Variants in SMIM7 observed in about 807,000 individuals in gnomAD.
The protein encoded by SMIM7 is small integral membrane protein 7.
A neutral mutation model predicts 13.3 loss-of-function variants in SMIM7; 12 were observed. The ratio of observed to expected loss-of-function variants is 0.90; its 90% CI spans 0.58 to 1.46. SMIM7 has a LOEUF of 1.46. Ranked by LOEUF, SMIM7 falls within the 40% of genes most tolerant of loss-of-function variation. The probability of loss-of-function intolerance (pLI) is 0.00; values close to 1 mark genes in which losing one functional copy is unlikely to be tolerated. For missense variants in SMIM7, 114 were observed against 94.8 expected (o/e 1.20, Z -0.84); for synonymous variants, 36 against 35.8 (o/e 1.01, Z -0.02).
downstream of SMIM7, among the ~76,000 whole-genome samples, chr19:16,643,409 T>A (rs541467895): frequency 2.6e-5 from 4 of 152,168 alleles, no homozygotes; most frequent in East Asian, 1.9e-4. Flanking sequence ...TTAAAAAAAA[T>A]TTTTCTTTTT....
At position 16,632,212 on chromosome 19, in the gene SMIM7, C is replaced by T. The variant is rs200244059; in HGVS notation, c.*138-488G>A. Among the ~76,000 whole-genome samples, 27 of 152,112 alleles carry T rather than the reference C, an allele frequency of 1.8e-4. 1 individual carries two copies. In the East Asian group the frequency reaches 5.0e-3, roughly 28 times the overall value. On this transcript the variant is annotated intron_variant and NMD_transcript_variant, in intron 4 of 4. Transcript: ENST00000465250. ...ACCCTTTCTCATATATGAACTCATT[C>T]AACCCTATCAGTTATCTCAGAAGTA...
intron 4 of SMIM7, among the ~76,000 whole-genome samples, chr19:16,647,686 C>G (rs1160591563): frequency 6.6e-6 from 1 of 151,968 alleles, no homozygotes; most frequent in Non-Finnish European, 1.5e-5. Context: ...GAACTCCTGA[C>G]CTCAAGTGAT....
intron 4 of SMIM7, among the ~76,000 whole-genome samples, chr19:16,651,435 C>A (rs1490871654): frequency 1.3e-5 from 2 of 152,200 alleles, no homozygotes. Context: ...ACCCCCACCC[C>A]AAATGGACCA....
At chr19:16,652,438 G>T in intron 4 of SMIM7, 1 of 631,644 alleles carries the variant, frequency 1.6e-6, no homozygotes, top group Non-Finnish European at 2.0e-6. Context: ...CTGGGCTCAA[G>T]CAATTCTCCC....
intron 4 of SMIM7, among the ~76,000 whole-genome samples, chr19:16,635,647 C>T (rs1449288549): frequency 6.6e-6 from 1 of 151,282 alleles, no homozygotes; most frequent in Non-Finnish European, 1.5e-5. Flanking sequence ...TTTGAGAGGC[C>T]GAGGCGGGCG....
chr19:16,638,305 T>TC (rs997317954), intron 4 of SMIM7, among the ~76,000 whole-genome samples: 10 of 133,554 alleles, frequency 7.5e-5, no homozygotes, highest in Admixed American at 2.2e-4. Context: ...TTTTTTCTTT[T>TC]TTTTTTTTTT....
At chr19:16,658,037 AAAG>A (rs2086619310) in intron 3 of SMIM7, among the ~76,000 whole-genome samples, 3 of 152,268 alleles carry the variant, frequency 2.0e-5, no homozygotes, top group African/African-American at 7.2e-5. Context: ...CCTGTCTCTA[AAAG>A]AAGAAAACCT....
chr19:16,650,009 T>C (rs1205989728), intron 4 of SMIM7, among the ~76,000 whole-genome samples: 1 of 152,134 alleles, frequency 6.6e-6, no homozygotes, highest in East Asian at 1.9e-4. Context: ...ACGCGGTTTC[T>C]TTCTGTGTTG....
At chr19:16,638,018 G>A (rs1423390276) in intron 4 of SMIM7, among the ~76,000 whole-genome samples, 1 of 152,100 alleles carries the variant, frequency 6.6e-6, no homozygotes, top group African/African-American at 2.4e-5. Flanking sequence ...AGCACTTTGG[G>A]AGGCAGAGGT....
chr19:16,635,615 C>G (rs1027757498), intron 4 of SMIM7, among the ~76,000 whole-genome samples: 1 of 152,034 alleles, frequency 6.6e-6, no homozygotes, highest in Non-Finnish European at 1.5e-5. Flanking sequence ...GGTGCAGTGG[C>G]TCACGCCAGT....
chr19:16,652,220 G>C (rs934872638), intron 4 of SMIM7: 2 of 152,228 alleles, frequency 1.3e-5, no homozygotes, highest in African/African-American at 4.8e-5. Context: ...TATTTGTTTG[G>C]AGACAGGGTC....
chr19:16,652,077 G>A (rs1287005293), intron 4 of SMIM7, among the ~76,000 whole-genome samples: 1 of 150,830 alleles, frequency 6.6e-6, no homozygotes, highest in South Asian at 2.1e-4. Flanking sequence ...TTGCAAAGAC[G>A]AGAATGAGGG....
intron 3 of SMIM7, among the ~76,000 whole-genome samples, chr19:16,658,126 C>T (rs538698586): frequency 6.6e-6 from 1 of 152,332 alleles, no homozygotes; most frequent in Non-Finnish European, 1.5e-5. Flanking sequence ...ACGCCGCCTC[C>T]TCAAATGGCC....
At chr19:16,652,600 G>A in intron 4 of SMIM7, 2 of 1,249,548 alleles carry the variant, frequency 1.6e-6, no homozygotes, top group Non-Finnish European at 2.0e-6. Flanking sequence ...TGCCAGGTAG[G>A]ATACCTTGGC....
At chr19:16,655,583 A>C (rs2086586673) in intron 3 of SMIM7, among the ~76,000 whole-genome samples, 1 of 147,354 alleles carries the variant, frequency 6.8e-6, no homozygotes, top group African/African-American at 2.5e-5. Context: ...CAGGAGGCTG[A>C]GGCAGGAGAA....
At chr19:16,659,909 G>C (rs1238947748) in intron 2 of SMIM7, 50 bp downstream of exon 2, 3 of 1,574,598 alleles carry the variant, frequency 1.9e-6, no homozygotes, top group Non-Finnish European at 2.6e-6. Context: ...TATGAGGGCG[G>C]GGCTACGGGT....
At chr19:16,635,915 T>TATAA in intron 4 of SMIM7, among the ~76,000 whole-genome samples, 1 of 142,466 alleles carries the variant, frequency 7.0e-6, no homozygotes, top group Non-Finnish European at 1.5e-5. Context: ...TATATATATA[T>TATAA]ATATATATGT....
chr19:16,657,037 G>A (rs1488549257), intron 3 of SMIM7, among the ~76,000 whole-genome samples: 3 of 152,202 alleles, frequency 2.0e-5, no homozygotes, highest in African/African-American at 7.2e-5. Context: ...GTGACCTGGT[G>A]ACCTGGGACC....
chr19:16,659,068 A>T lies in SMIM7; in HGVS notation c.121+327T>A, dbSNP rs1490218242. 19 of 367,948 alleles carry T rather than the reference A, an allele frequency of 5.2e-5. No homozygotes were observed. The East Asian group carries it at 8.4e-4, about 16-fold the overall frequency. 22.8% of individuals were successfully genotyped at this position (367,948 alleles called of 1,614,324 possible). ...GGGAGGCCAAGGCAGGGATCACTTG[A>T]ACCCAGGAGTTCGAGACCGGCCTGG... On this transcript the variant is annotated intron_variant, in intron 3 of 4. Transcript: ENST00000487416.
Sources: allele counts gnomAD v4.1 joint callset (sites outside exome capture counted in the v4.1 genomes callset), GRCh38; gene constraint gnomAD v4.1.1; transcripts MANE v1.5; gene names NCBI Gene and HGNC (gene_info 2026-07-23, HGNC 2026-07-21).